Variants in GABRA3 observed in about 807,000 individuals in gnomAD.
GABRA3 encodes the protein gamma-aminobutyric acid receptor subunit alpha-3.
A neutral mutation model predicts 30.1 loss-of-function variants in GABRA3; 10 were observed. The observed-to-expected ratio is 0.33, with a 90% CI of 0.20 to 0.56. GABRA3 has a LOEUF of 0.56. Ranked by LOEUF, GABRA3 falls within the 20% of genes least tolerant of loss-of-function variation. The pLI, the probability that GABRA3 is intolerant of heterozygous loss-of-function variation, is 0.89. For synonymous variants in GABRA3, 151 were observed against 146.8 expected (o/e 1.03, Z -0.21); for missense variants, 233 against 392.0 (o/e 0.59, Z 3.42).
rs747189768 is a variant in GABRA3, at chrX:152,277,961, C to T, written c.330+6707G>A. Among the ~76,000 whole-genome samples, 4 of 111,747 alleles carry T rather than the reference C, an allele frequency of 3.6e-5. 1 individual carries two copies. In the South Asian group the frequency reaches 1.1e-3, roughly 31 times the overall value. On this transcript the variant is annotated intron_variant, in intron 4 of 9. Transcript: ENST00000370314. ...GCCAAGGCACGTGATAACTGCATTA[C>T]AATGAAGGCCTTGCCATTTTCCCAT...
At chrX:152,341,680 C>A (rs1222050560) in intron 3 of GABRA3, among the ~76,000 whole-genome samples, 1 of 106,466 alleles carries the variant, frequency 9.4e-6, no homozygotes, top group African/African-American at 3.4e-5. Context: ...GCTGGGACTA[C>A]AGGCACACAC....
intron 3 of GABRA3, among the ~76,000 whole-genome samples, chrX:152,292,990 A>G (rs1029300036): frequency 5.4e-5 from 6 of 111,352 alleles, no homozygotes; most frequent in Non-Finnish European, 1.1e-4. Flanking sequence ...CGACTTTGGA[A>G]TAAGTGCGAT....
intron 4 of GABRA3, among the ~76,000 whole-genome samples, chrX:152,262,671 A>G (rs1256381734): frequency 2.7e-5 from 3 of 111,160 alleles, no homozygotes; most frequent in Non-Finnish European, 5.7e-5. Flanking sequence ...AGGAAGCTCA[A>G]AACTTCCCCA....
intron 1 of GABRA3, 60 bp from the exon 2 acceptor site, chrX:152,364,656 G>C (rs1928605508): frequency 1.2e-6 from 1 of 825,776 alleles, no homozygotes; most frequent in Non-Finnish European, 1.7e-6. Flanking sequence ...CAAAGGGAGA[G>C]AGGAGAAAGA....
intron 1 of GABRA3, among the ~76,000 whole-genome samples, chrX:152,385,560 G>C (rs1265418666): frequency 8.9e-6 from 1 of 111,788 alleles, no homozygotes; most frequent in Non-Finnish European, 1.9e-5. Flanking sequence ...CACTCTGATG[G>C]TAGTTTCTTT....
intron 1 of GABRA3, among the ~76,000 whole-genome samples, chrX:152,416,361 G>C (rs773320071): frequency 7.5e-4 from 72 of 95,623 alleles, no homozygotes; most frequent in African/African-American, 2.2e-3. Flanking sequence ...CACTGCTCAA[G>C]GAAATAAAAG....
intron 4 of GABRA3, among the ~76,000 whole-genome samples, chrX:152,282,458 T>C (rs1431129471): frequency 8.9e-6 from 1 of 112,096 alleles, no homozygotes; most frequent in Non-Finnish European, 1.9e-5. Context: ...ATATGCTTTT[T>C]AGCCAGAATG....
chrX:152,234,588 A>G (rs1374683863), intron 5 of GABRA3, among the ~76,000 whole-genome samples: 1 of 111,641 alleles, frequency 9.0e-6, no homozygotes, highest in Non-Finnish European at 1.9e-5. Context: ...TTCTTCTAGT[A>G]TTTTAATAGT....
intron 3 of GABRA3, among the ~76,000 whole-genome samples, chrX:152,313,012 G>A (rs1874517304): frequency 1.8e-5 from 2 of 111,692 alleles, no homozygotes; most frequent in South Asian, 3.7e-4. Flanking sequence ...ATGTAAAGTA[G>A]TTCAGCCACT....
chrX:152,271,288 G>C (rs1036429198), intron 4 of GABRA3, among the ~76,000 whole-genome samples: 1 of 111,785 alleles, frequency 8.9e-6, no homozygotes, highest in African/African-American at 3.3e-5. Flanking sequence ...GAATGGCTTG[G>C]ACCAAAATGC....
intron 1 of GABRA3, among the ~76,000 whole-genome samples, chrX:152,401,609 T>C (rs778758784): frequency 9.0e-6 from 1 of 111,724 alleles, no homozygotes; most frequent in South Asian, 3.8e-4. Context: ...TCAAATGATA[T>C]TTCCATAGTT....
chrX:152,370,071 A>G (rs1182222736), intron 1 of GABRA3, among the ~76,000 whole-genome samples: 1 of 111,757 alleles, frequency 8.9e-6, no homozygotes, highest in African/African-American at 3.3e-5. Flanking sequence ...AAGGCTGTCA[A>G]TATTATATAA....
At chrX:152,195,882 T>C (rs1444761971) in intron 8 of GABRA3, among the ~76,000 whole-genome samples, 2 of 111,318 alleles carry the variant, frequency 1.8e-5, no homozygotes, top group African/African-American at 6.5e-5. Context: ...TTGGGGACCG[T>C]TATTCTGCCT....
chrX:152,231,078 A>G (rs1461489714), intron 5 of GABRA3, among the ~76,000 whole-genome samples: 1 of 109,658 alleles, frequency 9.1e-6, no homozygotes, highest in Non-Finnish European at 1.9e-5. Context: ...CATTAAAAAT[A>G]CATAAATAAC....
At chrX:152,293,394 GT>G (rs1348103426) in intron 3 of GABRA3, among the ~76,000 whole-genome samples, 4 of 109,461 alleles carry the variant, frequency 3.7e-5, no homozygotes, top group Non-Finnish European at 7.6e-5. Context: ...TTTTTGTTTT[GT>G]TTTCCACTTG....
chrX:152,378,549 C>T (rs1393987696), intron 1 of GABRA3, among the ~76,000 whole-genome samples: 2 of 109,935 alleles, frequency 1.8e-5, no homozygotes, highest in African/African-American at 3.3e-5. Context: ...TTAAAGCTAT[C>T]GATCCAAATA....
intron 1 of GABRA3, among the ~76,000 whole-genome samples, chrX:152,408,213 G>A (rs1929982350): frequency 2.7e-5 from 3 of 111,541 alleles, no homozygotes; most frequent in African/African-American, 9.8e-5. Flanking sequence ...AGTACTGGAA[G>A]TCCTAGCCAG....
At chrX:152,219,195 A>G (rs911084580) in intron 6 of GABRA3, among the ~76,000 whole-genome samples, 1 of 111,260 alleles carries the variant, frequency 9.0e-6, no homozygotes, top group East Asian at 2.8e-4. Context: ...TCATTTCCAT[A>G]GTGATCTCAT....
At position 152,197,765 on chromosome X, in the gene GABRA3, T is replaced by G; in HGVS notation, c.799A>C (p.Thr267Pro). The change falls in exon 8 of 10, where the codon ACC (threonine) becomes CCC (proline). Residue 267 changes from threonine (T) to proline (P), a missense_variant. Physicochemically the swap from Thr to Pro is conservative, Grantham distance 38. Coordinates refer to ENST00000370314, the MANE Select transcript of GABRA3 (RefSeq NM_000808.4). ...ATTTTTCGCTTGAGATGGAAGTGGG[T>G]TGTCATGACGACATATTCTCCTAAA... ...SSTGEYVVMT[T>P]HFHLKRKIGY... 1 of 1,208,559 alleles carries G rather than the reference T, an allele frequency of 8.3e-7. No homozygotes were observed. The highest frequency in any genetic ancestry group is 1.1e-6 in the Non-Finnish European group (1 of 893,142).
Sources: gnomAD v4.1 joint callset for allele counts (sites outside exome capture counted in the v4.1 genomes callset) on GRCh38, gnomAD v4.1.1 for gene constraint, MANE v1.5 for transcripts, NCBI Gene and HGNC (gene_info 2026-07-23, HGNC 2026-07-21) for gene names.